Variants in LHX2 observed in about 807,000 individuals in gnomAD.
LHX2 encodes LIM/homeobox protein Lhx2.
In LHX2, 6 loss-of-function variants were observed where a neutral mutation model predicts 33.0. That is an observed-to-expected ratio of 0.18 (90% CI 0.10 to 0.36). LHX2 has a LOEUF of 0.36. Ranked by LOEUF, LHX2 falls within the 10% of genes least tolerant of loss-of-function variation. The pLI is 1.00. For synonymous variants in LHX2, 292 were observed against 253.1 expected (o/e 1.15, Z -1.46); for missense variants, 442 against 586.2 (o/e 0.75, Z 2.54).
intron 4 of LHX2, among the ~76,000 whole-genome samples, chr9:124,029,118 T>A (rs904590109): frequency 8.6e-5 from 13 of 151,018 alleles, no homozygotes; most frequent in African/African-American, 1.7e-4. Flanking sequence ...TCTCAAAAAA[T>A]AATAATAATA....
intron 4 of LHX2, among the ~76,000 whole-genome samples, chr9:124,022,848 G>A (rs926754628): frequency 6.6e-6 from 1 of 152,202 alleles, no homozygotes; most frequent in Non-Finnish European, 1.5e-5. Flanking sequence ...CGCTGCCCAC[G>A]GGGAGCGGGC....
rs1159593649 is a variant in LHX2, at chr9:124,021,110, A to AACGAAAACG, written c.743_751dup (p.Glu248_Asp250dup). ...TGTCTCCTCCCTAGCGCTAAGCTGCAACGAAAACGACGCAGAGCACCTGGA... is the reference window on the plus strand; with the variant it reads ...TGTCTCCTCCCTAGCGCTAAGCTGCAACGAAAACGACGAAAACGACGCAGAGCACCTGGA... On this transcript the variant is annotated inframe_insertion, in exon 4 of 5. Transcript: ENST00000373615. The AACGAAAACG allele has an allele frequency of 6.2e-7, 1 of 1,613,980 alleles. No individual in the cohort carries two copies. Among genetic ancestry groups the AACGAAAACG allele is most frequent in the African/African-American group, 1.3e-5 (1 of 74,918 alleles).
chr9:124,023,444 A>T (rs923003696), intron 4 of LHX2, among the ~76,000 whole-genome samples: 3 of 152,134 alleles, frequency 2.0e-5, no homozygotes, highest in Admixed American at 2.0e-4. Context: ...AGTTCTATGA[A>T]TTAATGCTTT....
chr9:124,024,387 G>A (rs1408599188), intron 4 of LHX2, among the ~76,000 whole-genome samples: 1 of 152,268 alleles, frequency 6.6e-6, no homozygotes, highest in African/African-American at 2.4e-5. Flanking sequence ...GCCCCCAGGT[G>A]CCCTGAATGC....
chr9:124,029,111 CA>C (rs1263443458), intron 4 of LHX2, among the ~76,000 whole-genome samples: 1 of 149,368 alleles, frequency 6.7e-6, no homozygotes, highest in Non-Finnish European at 1.5e-5. Context: ...GACTCTGTCT[CA>C]AAAAATAATA....
At chr9:124,017,146 A>G (rs929562519) in intron 3 of LHX2, among the ~76,000 whole-genome samples, 1 of 152,198 alleles carries the variant, frequency 6.6e-6, no homozygotes, top group Non-Finnish European at 1.5e-5. Context: ...TTTAACCTCT[A>G]CAAGAGACAC....
chr9:124,014,977 C>T lies in LHX2; in HGVS notation c.324-145C>T. Reference sequence around the variant, plus strand: ...CAGGCCTGGGTCAAAATCTAGTTCTCTCTCCCCCCCATCCTCCAAATAAAG... The same window carrying T: ...CAGGCCTGGGTCAAAATCTAGTTCTTTCTCCCCCCCATCCTCCAAATAAAG... On this transcript the variant is annotated intron_variant, in intron 2 of 4. Coordinates refer to ENST00000373615, the MANE Select transcript of LHX2 (RefSeq NM_004789.4). The surrounding 1 kb of genome is among the most constrained non-coding windows in gnomAD (Gnocchi z 4.8). 3.6e-6 allele frequency: 3 copies of T among 838,262 alleles called. No individual in the cohort carries two copies. Among genetic ancestry groups the T allele is most frequent in the South Asian group, 3.4e-5 (2 of 58,260 alleles). 51.9% of individuals were successfully genotyped at this position (838,262 alleles called of 1,614,324 possible).
intron 3 of LHX2, among the ~76,000 whole-genome samples, chr9:124,018,670 C>A (rs1162932216): frequency 2.0e-5 from 3 of 152,198 alleles, no homozygotes; most frequent in African/African-American, 7.2e-5. Flanking sequence ...TCGCTTTCCC[C>A]TCCGCTCTCC....
intron 4 of LHX2, among the ~76,000 whole-genome samples, chr9:124,027,517 C>T (rs1020009040): frequency 6.6e-6 from 1 of 152,176 alleles, no homozygotes; most frequent in Non-Finnish European, 1.5e-5. Flanking sequence ...TAGGACTTTG[C>T]TTATAAAATG....
chr9:124,017,381 G>T (rs1388605723), intron 3 of LHX2, among the ~76,000 whole-genome samples: 1 of 152,134 alleles, frequency 6.6e-6, no homozygotes, highest in Non-Finnish European at 1.5e-5. Context: ...ACTAGGTTGG[G>T]GAAAGAGGGC....
chr9:124,012,245 G>A lies in LHX2; in HGVS notation c.-104G>A. On this transcript the variant is annotated 5_prime_UTR_variant, in exon 1 of 5. Transcript: ENST00000373615. This position sits in a 1 kb window ranked among gnomAD's most constrained non-coding sequence, Gnocchi z 4.3. ...CTCGGGCGGGGCCGGGGCCGCGGTG[G>A]CGATGCACCGGGCCCGTTAGCGCCA... The A allele has an allele frequency of 8.5e-7, 1 of 1,178,624 alleles. No individual in the cohort carries two copies. Among genetic ancestry groups the A allele is most frequent in the Non-Finnish European group, 1.1e-6 (1 of 928,990 alleles). The allele number at this position is 1,178,624 out of a possible 1,614,324, so 73.0% of individuals were successfully genotyped here.
rs1419098306 is a variant in LHX2, at chr9:124,015,571, T to C, written c.727+46T>C. On this transcript the variant is annotated intron_variant, in intron 3 of 4. Transcript: ENST00000373615. This position sits in a 1 kb window ranked among gnomAD's most constrained non-coding sequence, Gnocchi z 7.9. ...GCGCCCCCATAGGGTTGGGGGAAAG[T>C]GTGCGGCCTCGACGGCCGGGAGCTG... is the stretch of plus-strand genomic sequence containing the variant. The C allele has an allele frequency of 1.4e-6, 2 of 1,442,280 alleles. No individual in the cohort carries two copies. The highest frequency in any genetic ancestry group is 5.8e-5 in the Admixed American group (2 of 34,654). The allele number at this position is 1,442,280 out of a possible 1,614,324, so 89.3% of individuals were successfully genotyped here. A position where few individuals can be genotyped will look rare whatever the true frequency, so the allele number is the denominator to read the frequency against.
rs971842106 is a variant in LHX2, at chr9:124,016,509, TTCC to T, written c.727+986_727+988del. Among the ~76,000 whole-genome samples, 2 of 152,236 alleles carry T rather than the reference TTCC, an allele frequency of 1.3e-5. No individual in the cohort carries two copies. Among genetic ancestry groups the T allele is most frequent in the African/African-American group, 4.8e-5 (2 of 41,452 alleles). On this transcript the variant is annotated intron_variant, in intron 3 of 4. Transcript: ENST00000373615. This position sits in a 1 kb window ranked among gnomAD's most constrained non-coding sequence, Gnocchi z 4.4. ...TAGATTTGGAGATTTTGTGTTCTTCTTCCTTTTCCCTTTAGTCTAATGCACAAG... is the reference window on the plus strand; with the variant it reads ...TAGATTTGGAGATTTTGTGTTCTTCTTTTTCCCTTTAGTCTAATGCACAAG...
intron 3 of LHX2, 67 bp from the exon 4 acceptor site, chr9:124,021,032 C>A: frequency 7.0e-7 from 1 of 1,428,232 alleles, no homozygotes; most frequent in Non-Finnish European, 9.8e-7. Context: ...GTGGGTGGGG[C>A]GAGTGTGGAT....
At chr9:124,028,197 C>T (rs181667964) in intron 4 of LHX2, among the ~76,000 whole-genome samples, 419 of 152,324 alleles carry the variant, frequency 2.8e-3, no homozygotes, top group Non-Finnish European at 5.1e-3. Context: ...CAAAACACAA[C>T]TTGCATGGTC....
At position 124,025,978 on chromosome 9, in the gene LHX2, C is replaced by CT. The variant is rs770206388; in HGVS notation, c.933+4675dup. Among the ~76,000 whole-genome samples the CT allele has an allele frequency of 3.8e-4, 58 of 152,008 alleles. 1 individual carries two copies. Among genetic ancestry groups the CT allele is most frequent in the Non-Finnish European group, 7.1e-4 (48 of 68,004 alleles). On this transcript the variant is annotated intron_variant, in intron 4 of 4. Transcript: ENST00000373615. ...CCAGCCTGGGCAACAGAGCAAGACT[C>CT]TGTCTCCAAAATAAATAAATAAATA...
At chr9:124,020,236 A>AAC (rs1413794382) in intron 3 of LHX2, among the ~76,000 whole-genome samples, 1 of 152,120 alleles carries the variant, frequency 6.6e-6, no homozygotes, top group Admixed American at 6.5e-5. Flanking sequence ...TGTAAAGCCA[A>AAC]ACACACACCA....
Position 124,014,284 on chromosome 9 carries a change from C to A in LHX2, c.323+121C>A. On this transcript the variant is annotated intron_variant, in intron 2 of 4. Transcript: ENST00000373615. The surrounding 1 kb of genome is among the most constrained non-coding windows in gnomAD (Gnocchi z 4.8). The stretch of plus-strand genomic sequence containing the variant: ...GAGGGTTCACTACTCAGGACTCCCC[C>A]GCTCCCCCCCCAAGTTCTCCAAGCC... 1.6e-6 allele frequency: 1 copy of A among 634,484 alleles called. No homozygotes were observed. Among genetic ancestry groups the A allele is most frequent in the Non-Finnish European group, 2.9e-6 (1 of 340,700 alleles). 39.3% of individuals were successfully genotyped at this position (634,484 alleles called of 1,614,324 possible). A position where few individuals can be genotyped will look rare whatever the true frequency, so the allele number is the denominator to read the frequency against.
At chr9:124,018,559 G>C (rs994846138) in intron 3 of LHX2, among the ~76,000 whole-genome samples, 15 of 152,190 alleles carry the variant, frequency 9.9e-5, no homozygotes, top group Admixed American at 8.5e-4. Context: ...GCCAATAACG[G>C]CTTCGGAAAA....
Sources: allele counts gnomAD v4.1 joint callset (sites outside exome capture counted in the v4.1 genomes callset), GRCh38; gene constraint gnomAD v4.1.1; non-coding constraint Gnocchi (gnomAD v3.1); transcripts MANE v1.5; gene names NCBI Gene and HGNC (gene_info 2026-07-23, HGNC 2026-07-21).